ABCB9: variants seen among roughly 807,000 people sequenced by gnomAD.
ABCB9 encodes ATP binding cassette subfamily B member 9.
In ABCB9, 36 loss-of-function variants were observed where a neutral mutation model predicts 62.0. The observed-to-expected ratio is 0.58, with a 90% confidence interval of 0.45 to 0.77. The LOEUF is 0.77. Ranked by LOEUF, ABCB9 falls within the 30% of genes least tolerant of loss-of-function variation. ABCB9 has a pLI of 0.00. For synonymous variants in ABCB9, 435 were observed against 461.4 expected (o/e 0.94, Z 0.73); for missense variants, 943 against 1,054.7 (o/e 0.89, Z 1.47).
chr12:122,945,958 C>G, intron 6 of ABCB9, 67 bp downstream of exon 6: 3 of 1,521,512 alleles, frequency 2.0e-6, no homozygotes, highest in South Asian at 1.2e-5. Flanking sequence ...TGTCCTAGAT[C>G]GAGGGCTTCC....
chr12:122,941,121 C>G, intron 7 of ABCB9, 126 bp from the exon 8 acceptor site: 2 of 985,206 alleles, frequency 2.0e-6, no homozygotes, highest in Non-Finnish European at 1.5e-6. Context: ...AGGAGGCCAC[C>G]TGACCACCCA....
chr12:122,973,609 A>AAC (rs762311490), intron 1 of ABCB9, among the ~76,000 whole-genome samples: 1 of 88,802 alleles, frequency 1.1e-5, no homozygotes, highest in Non-Finnish European at 2.3e-5. Flanking sequence ...AAAAAAAAAA[A>AAC]CAAAAACTTT....
intron 10 of ABCB9, among the ~76,000 whole-genome samples, chr12:122,933,783 T>G (rs1368792370): frequency 2.0e-5 from 3 of 152,208 alleles, no homozygotes. Flanking sequence ...AAAAATAGTT[T>G]GTATTTAATG....
intron 1 of ABCB9, among the ~76,000 whole-genome samples, chr12:122,974,010 A>T (rs2037336278): frequency 6.6e-6 from 1 of 152,244 alleles, no homozygotes; most frequent in Non-Finnish European, 1.5e-5. Context: ...GCGCCACTGC[A>T]CTCCAGCCTG....
downstream of ABCB9, among the ~76,000 whole-genome samples, chr12:122,928,333 G>C (rs932420628): frequency 3.3e-5 from 5 of 152,088 alleles, no homozygotes; most frequent in Admixed American, 6.6e-5. Flanking sequence ...GCCGGGTGTG[G>C]TGGTGGGTGC....
chr12:122,943,717 C>T lies in ABCB9; in HGVS notation c.1380+674G>A, dbSNP rs550860854. On this transcript the variant is annotated intron_variant, in intron 7 of 11. Coordinates refer to ENST00000280560, the MANE Select transcript of ABCB9 (RefSeq NM_019625.4). Reference sequence around the variant, plus strand: ...CGATCTTGGCTCACTGTAACCTCTGCCTCCCGGGTTCAAGCGATTCTCCTG... The same window carrying T: ...CGATCTTGGCTCACTGTAACCTCTGTCTCCCGGGTTCAAGCGATTCTCCTG... Among the ~76,000 whole-genome samples the T allele has an allele frequency of 1.5e-4, 23 of 152,130 alleles. No individual in the cohort carries two copies. In the South Asian group the frequency reaches 4.6e-3, roughly 30 times the overall value.
Position 122,944,423 on chromosome 12 carries a change from T to A in ABCB9, c.1348A>T (p.Ile450Phe). ...MTSGNLIAFI[I>F]YEFVLGDCME... Reference sequence around the variant, plus strand: ...CAATCTCCCAGGACAAACTCGTAGATGATGAAGGCGATGAGGTTGCCGCTG... The same window carrying A: ...CAATCTCCCAGGACAAACTCGTAGAAGATGAAGGCGATGAGGTTGCCGCTG... The change falls in exon 7 of 12, where the codon ATC becomes TTC. Residue 450 changes from isoleucine to phenylalanine, a missense_variant. Coordinates refer to ENST00000280560, the MANE Select transcript of ABCB9 (RefSeq NM_019625.4). This position sits in a 1 kb window ranked among gnomAD's most constrained non-coding sequence, Gnocchi z 4.9. 6.2e-7 allele frequency: 1 copy of A among 1,613,120 alleles called. No homozygotes were observed. The highest frequency in any genetic ancestry group is 1.3e-5 in the African/African-American group (1 of 74,922).
At chr12:122,974,000 G>T (rs1324603538) in intron 1 of ABCB9, among the ~76,000 whole-genome samples, 1 of 152,256 alleles carries the variant, frequency 6.6e-6, no homozygotes, top group African/African-American at 2.4e-5. Context: ...AGCGGAGATC[G>T]CGCCACTGCA....
chr12:122,948,646 T>A lies in ABCB9; in HGVS notation c.1031A>T (p.Asn344Ile). Residue 344 changes from asparagine (N) to isoleucine (I), a missense_variant, in exon 5 of 12, where the codon AAC (asparagine) becomes ATC (isoleucine). Coordinates refer to ENST00000280560, the MANE Select transcript of ABCB9 (RefSeq NM_019625.4). The stretch of plus-strand genomic sequence containing the variant: ...TACCTTGTAGTACTTGCCGTAGATG[T>A]TGGACACCATCATGATGATGGGGAA... ...MGFPIIMMVS[N>I]IYGKYYKRLS... is the part of the protein sequence containing the mutation. 4 of 1,613,276 alleles carry A rather than the reference T, an allele frequency of 2.5e-6. No homozygotes were observed. Among genetic ancestry groups the A allele is most frequent in the Non-Finnish European group, 3.4e-6 (4 of 1,179,576 alleles).
In ABCB9 at chr12:122,929,438, G is replaced by T. The variant is rs2035022697; in HGVS notation, c.*473C>A. ...CCGTGTCTCCCTCCGGGACAGGGAAGCCCCTTCTCTGGAGGGGTAAAGGGG... is the reference window on the plus strand; with the variant it reads ...CCGTGTCTCCCTCCGGGACAGGGAATCCCCTTCTCTGGAGGGGTAAAGGGG... On this transcript the variant is annotated 3_prime_UTR_variant, in exon 12 of 12. Coordinates refer to ENST00000280560, the MANE Select transcript of ABCB9 (RefSeq NM_019625.4). This position sits in a 1 kb window ranked among gnomAD's most constrained non-coding sequence, Gnocchi z 6.0. 3 of 987,894 alleles carry T rather than the reference G, an allele frequency of 3.0e-6. No individual in the cohort carries two copies. The highest frequency in any genetic ancestry group is 1.7e-5 in the African/African-American group (1 of 57,454). The allele number at this position is 987,894 out of a possible 1,614,324, so 61.2% of individuals were successfully genotyped here.
At chr12:122,939,267 T>C (rs983819181) in intron 9 of ABCB9, among the ~76,000 whole-genome samples, 6 of 152,234 alleles carry the variant, frequency 3.9e-5, no homozygotes, top group Admixed American at 6.5e-5. Flanking sequence ...GCAATGAAAA[T>C]GAATGAACTC....
intron 1 of ABCB9, chr12:122,973,072 C>T (rs7296418): frequency 0.69 from 105,158 of 152,132 alleles, 36,508 homozygotes; most frequent in Non-Finnish European, 0.71. Flanking sequence ...TACATGTCAG[C>T]GCTGGCTGGC....
chr12:122,941,307 T>C (rs1002590102), intron 7 of ABCB9, among the ~76,000 whole-genome samples: 1 of 147,044 alleles, frequency 6.8e-6, no homozygotes, highest in East Asian at 1.9e-4. Context: ...TGCGATAGCA[T>C]AGCTTTTTTT....
At chr12:122,966,540 G>A (rs879466632), upstream of ABCB9, 6 of 151,940 alleles carry the variant, frequency 3.9e-5, no homozygotes, top group Non-Finnish European at 8.8e-5. Context: ...GGCAGGGACC[G>A]GCGGAGCCTC....
At chr12:122,918,924 C>G (rs973656607), downstream of ABCB9, among the ~76,000 whole-genome samples, 2 of 152,146 alleles carry the variant, frequency 1.3e-5, no homozygotes, top group African/African-American at 4.8e-5. Context: ...CCCTGGTAAC[C>G]TCTAATCTGC....
In ABCB9 at chr12:122,960,178, C is replaced by T. The variant is rs376611215; in HGVS notation, c.58G>A (p.Val20Met). 42 of 1,613,590 alleles carry T rather than the reference C, an allele frequency of 2.6e-5. No individual in the cohort carries two copies. Among genetic ancestry groups the T allele is most frequent in the African/African-American group, 2.4e-4 (18 of 75,050 alleles). Residue 20 changes from valine (V) to methionine (M), a missense_variant, in exon 2 of 12, where the codon GTG becomes ATG. Transcript: ENST00000280560. ...CTGAAGACATAGATGGCCGTGGTCA[C>T]GCAGATGTCCACACTCATGAAGGCC... ...TLAFMSVDICVTTAIYVFSHL... is the reference protein window; with the variant it reads ...TLAFMSVDICMTTAIYVFSHL...
chr12:122,941,989 A>C (rs1207515267), intron 7 of ABCB9, among the ~76,000 whole-genome samples: 1 of 152,024 alleles, frequency 6.6e-6, no homozygotes, highest in Non-Finnish European at 1.5e-5. Context: ...TCAGCCTCCC[A>C]AAGTGCTGGG....
intron 10 of ABCB9, among the ~76,000 whole-genome samples, chr12:122,933,178 C>T (rs935727432): frequency 2.0e-5 from 3 of 152,216 alleles, no homozygotes; most frequent in Admixed American, 2.0e-4. Flanking sequence ...AGACGTGAGC[C>T]ACTGCACCTG....
At chr12:122,970,129 G>C (rs2037253872), upstream of ABCB9, among the ~76,000 whole-genome samples, 1 of 152,172 alleles carries the variant, frequency 6.6e-6, no homozygotes. Flanking sequence ...TCCCAGGCTG[G>C]AGTGCAATGG....
Sources: allele counts gnomAD v4.1 joint callset (sites outside exome capture counted in the v4.1 genomes callset), GRCh38; gene constraint gnomAD v4.1.1; non-coding constraint Gnocchi (gnomAD v3.1); transcripts MANE v1.5; gene names NCBI Gene and HGNC (gene_info 2026-07-23, HGNC 2026-07-21).